RARB: variants seen among roughly 807,000 people sequenced by gnomAD.
RARB encodes retinoic acid receptor beta.
A neutral mutation model predicts 51.9 loss-of-function variants in RARB; 17 were observed. The ratio of observed to expected loss-of-function variants is 0.33; its 90% CI spans 0.22 to 0.49. The LOEUF (loss-of-function observed/expected upper bound fraction) is 0.49, where lower values mean the gene tolerates loss of function less well. Among genes scored for constraint, RARB ranks in the 20% least tolerant of loss-of-function variants. RARB has a pLI of 0.99. For missense variants in RARB, 369 were observed against 550.8 expected, an observed-to-expected ratio of 0.67 and a Z score of 3.30; for synonymous variants, 215 against 195.4, an observed-to-expected ratio of 1.10 and a Z score of -0.84.
At chr3:25,154,679 G>C (rs1447846223) in intron 4 of RARB, among the ~76,000 whole-genome samples, 1 of 152,194 alleles carries the variant, frequency 6.6e-6, no homozygotes, top group Admixed American at 6.5e-5. Flanking sequence ...CTTCCATCCA[G>C]ATCCTTCCTT....
chr3:24,980,432 C>T (rs887724757), intron 2 of RARB, among the ~76,000 whole-genome samples: 3 of 152,198 alleles, frequency 2.0e-5, no homozygotes, highest in African/African-American at 7.2e-5. Context: ...TTGGTCTTTT[C>T]ACATAGTCCC....
rs1575553547 is a variant in RARB at position 25,596,479 on chromosome 3, C to A, written c.1210C>A (p.Gln404Lys). Residue 404 changes from glutamine (Q) to lysine (K), a missense_variant, in exon 8 of 8, where the codon CAA (glutamine) becomes AAA (lysine). By Grantham distance (53) the Gln-to-Lys change is moderately conservative. Transcript: ENST00000330688. ...TCCTGGATCAATGCCACCTCTCATT[C>A]AAGAAATGCTGGAGAATTCTGAAGG... ...EIPGSMPPLI[Q>K]EMLENSEGHE... The A allele has an allele frequency of 6.2e-7, 1 of 1,613,584 alleles. No individual in the cohort carries two copies. Among genetic ancestry groups the A allele is most frequent in the East Asian group, 2.2e-5 (1 of 44,864 alleles).
chr3:25,031,618 C>A (rs1428255133), intron 2 of RARB, among the ~76,000 whole-genome samples: 2 of 152,136 alleles, frequency 1.3e-5, no homozygotes, highest in Non-Finnish European at 2.9e-5. Flanking sequence ...CTTCCTCTTA[C>A]CTGATGAACT....
chr3:25,333,169 A>C (rs1295975683), intron 5 of RARB, among the ~76,000 whole-genome samples: 1 of 152,168 alleles, frequency 6.6e-6, no homozygotes, highest in Non-Finnish European at 1.5e-5. Flanking sequence ...AGAATTGGAA[A>C]AAACTACTTT....
At chr3:25,356,459 A>T (rs1199328354) in intron 5 of RARB, among the ~76,000 whole-genome samples, 1 of 152,012 alleles carries the variant, frequency 6.6e-6, no homozygotes, top group Non-Finnish European at 1.5e-5. Flanking sequence ...ATGATCTTTG[A>T]TAATCTTTAA....
intron 5 of RARB, among the ~76,000 whole-genome samples, chr3:25,213,669 A>C (rs1166766985): frequency 2.0e-5 from 3 of 152,220 alleles, no homozygotes; most frequent in African/African-American, 7.2e-5. Context: ...GCTTTTAAAC[A>C]AAATGGAAGT....
intron 3 of RARB, among the ~76,000 whole-genome samples, chr3:25,110,043 T>G (rs1699574718): frequency 6.6e-6 from 1 of 152,202 alleles, no homozygotes; most frequent in African/African-American, 2.4e-5. Context: ...AAGATCTGGT[T>G]TACAATTCTT....
chr3:24,898,325 A>T (rs1004446859), intron 2 of RARB, among the ~76,000 whole-genome samples: 1 of 124,118 alleles, frequency 8.1e-6, no homozygotes, highest in Admixed American at 7.6e-5. Context: ...TATAAATATA[A>T]TATTTATATT....
At chr3:25,557,765 C>A (rs1700120832) in intron 3 of RARB, among the ~76,000 whole-genome samples, 1 of 152,082 alleles carries the variant, frequency 6.6e-6, no homozygotes, top group Admixed American at 6.5e-5. Flanking sequence ...AACAGCAACC[C>A]CTAATAAACT....
chr3:25,006,278 T>A (rs749539060), intron 2 of RARB, among the ~76,000 whole-genome samples: 1 of 152,198 alleles, frequency 6.6e-6, no homozygotes, highest in Non-Finnish European at 1.5e-5. Context: ...AAACATTTTC[T>A]GTTTTGTTCA....
chr3:25,558,598 A>G (rs1339008732), intron 3 of RARB, among the ~76,000 whole-genome samples: 1 of 149,340 alleles, frequency 6.7e-6, no homozygotes, highest in South Asian at 2.1e-4. Context: ...TACGACTTCA[A>G]CAGTCATCTC....
intron 2 of RARB, among the ~76,000 whole-genome samples, chr3:24,909,517 C>T (rs1242391294): frequency 6.6e-6 from 1 of 151,764 alleles, no homozygotes; most frequent in African/African-American, 2.4e-5. Context: ...CTCAGTATCA[C>T]TAGGTGTTCC....
At chr3:25,211,316 T>C (rs1701690986) in intron 5 of RARB, among the ~76,000 whole-genome samples, 1 of 152,196 alleles carries the variant, frequency 6.6e-6, no homozygotes, top group South Asian at 2.1e-4. Context: ...TTCATGATTA[T>C]AAGCCTTCAT....
intron 5 of RARB, among the ~76,000 whole-genome samples, chr3:25,278,729 T>A (rs1703452208): frequency 6.6e-6 from 1 of 152,198 alleles, no homozygotes; most frequent in Non-Finnish European, 1.5e-5. Flanking sequence ...AATTTGCATG[T>A]GTACCATATT....
intron 5 of RARB, among the ~76,000 whole-genome samples, chr3:25,250,259 A>C (rs779710999): frequency 5.9e-5 from 9 of 152,142 alleles, no homozygotes; most frequent in African/African-American, 9.7e-5. Context: ...ATGCTTGTGC[A>C]TGGATGATGC....
chr3:25,191,298 T>C (rs903609443), intron 5 of RARB, among the ~76,000 whole-genome samples: 3 of 152,154 alleles, frequency 2.0e-5, no homozygotes, highest in Non-Finnish European at 4.4e-5. Flanking sequence ...AAAGCTCCCC[T>C]TAGAATCCAT....
chr3:25,553,447 G>A (rs548152123), intron 3 of RARB, among the ~76,000 whole-genome samples: 11 of 152,220 alleles, frequency 7.2e-5, no homozygotes, highest in African/African-American at 2.4e-4. Context: ...TTCTGACCAC[G>A]TTATTTTCCA....
intron 3 of RARB, among the ~76,000 whole-genome samples, chr3:25,129,520 C>T (rs1029591120): frequency 2.0e-5 from 3 of 152,052 alleles, no homozygotes; most frequent in Non-Finnish European, 4.4e-5. Flanking sequence ...TTTAAACTTA[C>T]ATTTAAACTT....
chr3:25,048,504 G>C (rs1295231640), intron 2 of RARB, among the ~76,000 whole-genome samples: 2 of 152,056 alleles, frequency 1.3e-5, no homozygotes, highest in Non-Finnish European at 2.9e-5. Flanking sequence ...CATTATACAG[G>C]TTTGCTTATA....
Sources: gnomAD v4.1 joint callset for allele counts (sites outside exome capture counted in the v4.1 genomes callset) on GRCh38, gnomAD v4.1.1 for gene constraint, MANE v1.5 for transcripts, NCBI Gene and HGNC (gene_info 2026-07-23, HGNC 2026-07-21) for gene names.